Variants in MPIG6B observed in about 807,000 individuals in gnomAD.
MPIG6B encodes megakaryocyte and platelet inhibitory receptor G6b.
Under a neutral mutation model 24.2 loss-of-function variants are expected in MPIG6B, and 22 were observed. That is an observed-to-expected ratio of 0.91 (90% confidence interval 0.65 to 1.30). The LOEUF (loss-of-function observed/expected upper bound fraction) is 1.30, where lower values mean the gene tolerates loss of function less well. MPIG6B is among the 50% of genes most tolerant of loss of function. The pLI, the probability that MPIG6B is intolerant of heterozygous loss-of-function variation, is 0.00. For synonymous variants in MPIG6B, 136 were observed against 142.0 expected, an observed-to-expected ratio of 0.96 and a Z score of 0.30; for missense variants, 301 against 318.5, an observed-to-expected ratio of 0.94 and a Z score of 0.42.
upstream of MPIG6B, chr6:31,723,319 G>A: frequency 9.5e-7 from 1 of 1,048,026 alleles, no homozygotes; most frequent in Non-Finnish European, 1.3e-6. This position sits in a 1 kb window ranked among gnomAD's most constrained non-coding sequence, Gnocchi z 4.3. Flanking sequence ...ACTTCCCTCC[G>A]GTCCCCCCCC....
At chr6:31,723,328 C>A (rs112943189), upstream of MPIG6B, 22,326 of 1,515,232 alleles carry the variant, frequency 0.015, 590 homozygotes, top group South Asian at 0.087. The surrounding 1 kb of genome is among the most constrained non-coding windows in gnomAD (Gnocchi z 4.3). Context: ...CGGTCCCCCC[C>A]CAACCGGCCC....
Position 31,723,998 on chromosome 6 carries a change from C to G in MPIG6B, c.409+12C>G. On this transcript the variant is annotated intron_variant, in intron 2 of 5. Transcript: ENST00000649779. This position sits in a 1 kb window ranked among gnomAD's most constrained non-coding sequence, Gnocchi z 4.3. ...CGGGCCTACCCATGGTAGGTGCAGG[C>G]CTGTGCGCACAAGGGTACTTAACTC... is the stretch of plus-strand genomic sequence containing the variant. The G allele has an allele frequency of 6.4e-7, 1 of 1,560,702 alleles. No individual in the cohort carries two copies. Among genetic ancestry groups the G allele is most frequent in the Non-Finnish European group, 8.7e-7 (1 of 1,150,128 alleles).
At chr6:31,720,299 A>C (rs1806714268), upstream of MPIG6B, 1 of 805,560 alleles carries the variant, frequency 1.2e-6, no homozygotes, top group Admixed American at 2.1e-5. The surrounding 1 kb of genome is among the most constrained non-coding windows in gnomAD (Gnocchi z 4.9). Context: ...AGAAGAGCCC[A>C]TCCCGTAGGT....
upstream of MPIG6B, chr6:31,721,952 G>A (rs535474301): frequency 1.4e-4 from 65 of 460,302 alleles, no homozygotes; most frequent in Non-Finnish European, 2.4e-4. Flanking sequence ...TGCCATTGTG[G>A]TTCTTGGTTT....
intron 5 of MPIG6B, 41 bp downstream of exon 5, chr6:31,724,885 G>C: frequency 8.7e-6 from 14 of 1,606,010 alleles, no homozygotes; most frequent in Non-Finnish European, 1.2e-5. Context: ...CAGAATCTCT[G>C]AGGAAAATGG....
upstream of MPIG6B, chr6:31,723,200 T>G (rs960498303): frequency 2.1e-4 from 138 of 642,342 alleles, 1 homozygote; most frequent in Non-Finnish European, 3.3e-4. The surrounding 1 kb of genome is among the most constrained non-coding windows in gnomAD (Gnocchi z 4.3). Flanking sequence ...GAGAACCATT[T>G]GAAGACTCCG....
Position 31,725,926 on chromosome 6 carries a change from C to T in MPIG6B, c.*852C>T, listed in dbSNP as rs1702172745. On this transcript the variant is annotated 3_prime_UTR_variant, in exon 6 of 6. Coordinates refer to ENST00000649779, the MANE Select transcript of MPIG6B (RefSeq NM_138272.3). The surrounding 1 kb of genome is among the most constrained non-coding windows in gnomAD (Gnocchi z 5.2). The stretch of plus-strand genomic sequence containing the variant: ...ACTCATTGTCATCTCTGAAGCTGCT[C>T]ACTTAATTCTCCTCTGTATTCTCTT... 1 of 152,332 alleles carries T rather than the reference C, an allele frequency of 6.6e-6. No homozygotes were observed. The highest frequency in any genetic ancestry group is 2.4e-5 in the African/African-American group (1 of 41,428). The allele number at this position is 152,332 out of a possible 1,614,324, so 9.4% of individuals were successfully genotyped here.
At chr6:31,721,724 T>G (rs1806803548), upstream of MPIG6B, 1 of 1,603,606 alleles carries the variant, frequency 6.2e-7, no homozygotes, top group Admixed American at 1.7e-5. Flanking sequence ...GCTGATAGAG[T>G]AGATTTTCAA....
chr6:31,723,128 G>T (rs972636403), upstream of MPIG6B: 27 of 565,716 alleles, frequency 4.8e-5, no homozygotes, highest in African/African-American at 3.2e-4. The surrounding 1 kb of genome is among the most constrained non-coding windows in gnomAD (Gnocchi z 4.3). Flanking sequence ...GATTACAGGC[G>T]CACCTGAAAA....
In MPIG6B at chr6:31,723,511, AGGGT is replaced by A; in HGVS notation, c.61+72_61+75del. 6.7e-7 allele frequency: 1 copy of A among 1,497,224 alleles called. No homozygotes were observed. The highest frequency in any genetic ancestry group is 9.3e-7 in the Non-Finnish European group (1 of 1,079,454). The allele number at this position is 1,497,224 out of a possible 1,614,324, so 92.7% of individuals were successfully genotyped here. A position where few individuals can be genotyped will look rare whatever the true frequency, so the allele number is the denominator to read the frequency against. ...TGAAGCAAGATAAGGGCCGCCTAGT[AGGGT>A]GGGTTGTGTGTGGGAAGATCCAGGA... is the stretch of plus-strand genomic sequence containing the variant. On this transcript the variant is annotated intron_variant, in intron 1 of 5. Coordinates refer to ENST00000649779, the MANE Select transcript of MPIG6B (RefSeq NM_138272.3). The surrounding 1 kb of genome is among the most constrained non-coding windows in gnomAD (Gnocchi z 4.3).
chr6:31,723,771 G>A lies in MPIG6B; in HGVS notation c.194G>A (p.Trp65Ter). Residue 65 changes from tryptophan (W) to a stop codon, truncating the protein, a stop_gained, in exon 2 of 6, where the codon TGG becomes TAG. Coordinates refer to ENST00000649779, the MANE Select transcript of MPIG6B (RefSeq NM_138272.3). LOFTEE classifies it high-confidence loss of function. The surrounding 1 kb of genome is among the most constrained non-coding windows in gnomAD (Gnocchi z 4.3). ...TCCAAAGGACGCCGACCGATCCTGT[G>A]GGCCTCTTCGAGCGGGACCCCCACC... is the stretch of plus-strand genomic sequence containing the variant. ...GLSKGRRPIL[W>*]ASSSGTPTVP... is the part of the protein sequence containing the mutation. 8.1e-6 allele frequency: 13 copies of A among 1,613,912 alleles called. No individual in the cohort carries two copies. Among genetic ancestry groups the A allele is most frequent in the Non-Finnish European group, 1.1e-5 (13 of 1,180,018 alleles).
At chr6:31,724,562 T>C in intron 3 of MPIG6B, 25 bp from the exon 4 acceptor site, 1 of 1,607,074 alleles carries the variant, frequency 6.2e-7, no homozygotes, top group Non-Finnish European at 8.5e-7. Context: ...CTGGTGGTTC[T>C]CAAAGACTCA....
At chr6:31,720,518 G>A (rs1008040705), upstream of MPIG6B, among the ~76,000 whole-genome samples, 4 of 152,198 alleles carry the variant, frequency 2.6e-5, no homozygotes, top group African/African-American at 9.7e-5. The surrounding 1 kb of genome is among the most constrained non-coding windows in gnomAD (Gnocchi z 4.9). Context: ...TAGATGGAAT[G>A]TGAGGAAGAT....
In MPIG6B at chr6:31,724,575, T is replaced by C; in HGVS notation, c.501-12T>C. 6.2e-7 allele frequency: 1 copy of C among 1,611,554 alleles called. No individual in the cohort carries two copies. Among genetic ancestry groups the C allele is most frequent in the Non-Finnish European group, 8.5e-7 (1 of 1,177,596 alleles). On this transcript the variant is annotated splice_polypyrimidine_tract_variant and intron_variant, in intron 3 of 5. Transcript: ENST00000649779. ...GACTGGTGGTTCTCAAAGACTCATA[T>C]GTCCCTTACAGGCGCCTGCCCCCGC...
In MPIG6B at chr6:31,724,180, G is replaced by C. The variant is rs985453732; in HGVS notation, c.448G>C (p.Ala150Pro). The C allele has an allele frequency of 1.2e-6, 2 of 1,613,278 alleles. No homozygotes were observed. Among genetic ancestry groups the C allele is most frequent in the Non-Finnish European group, 8.5e-7 (1 of 1,179,956 alleles). The change falls in exon 3 of 6, where the codon GCT (alanine) becomes CCT (proline). Residue 150 changes from alanine to proline, a missense_variant. By Grantham distance (27) the Ala-to-Pro change is conservative (BLOSUM62 -1). Coordinates refer to ENST00000649779, the MANE Select transcript of MPIG6B (RefSeq NM_138272.3). ...YPQLLIPLLGAGLVLGLGALG... is the reference protein window; with the variant it reads ...YPQLLIPLLGPGLVLGLGALG... Reference sequence around the variant, plus strand: ...CCAGCTCCTGATCCCGCTGCTGGGCGCTGGGTTGGTGCTCGGACTGGGAGC... The same window carrying C: ...CCAGCTCCTGATCCCGCTGCTGGGCCCTGGGTTGGTGCTCGGACTGGGAGC...
chr6:31,726,614 A>G lies in MPIG6B; in HGVS notation c.*1540A>G, dbSNP rs1740553862. ...TTGTTCCATGACAACCTGTATTTCA[A>G]TTTGTAAGAAATTTGCATGTACTGT... On this transcript the variant is annotated 3_prime_UTR_variant, in exon 6 of 6. Transcript: ENST00000649779. The surrounding 1 kb of genome is among the most constrained non-coding windows in gnomAD (Gnocchi z 5.1). 6.6e-6 allele frequency: 1 copy of G among 152,222 alleles called. No homozygotes were observed. Among genetic ancestry groups the G allele is most frequent in the African/African-American group, 2.4e-5 (1 of 41,422 alleles). 9.4% of individuals were successfully genotyped at this position (152,222 alleles called of 1,614,324 possible). A position where few individuals can be genotyped will look rare whatever the true frequency, so the allele number is the denominator to read the frequency against.
upstream of MPIG6B, chr6:31,721,859 G>A: frequency 1.5e-6 from 1 of 645,474 alleles, no homozygotes; most frequent in Non-Finnish European, 2.7e-6. Context: ...AAAGACAAGG[G>A]GTGGGAAGGC....
At chr6:31,721,681 G>C, upstream of MPIG6B, 1 of 1,613,984 alleles carries the variant, frequency 6.2e-7, no homozygotes, top group African/African-American at 1.3e-5. Flanking sequence ...GGCTTTCATG[G>C]CGAGGGTCCT....
At position 31,725,315 on chromosome 6, in the gene MPIG6B, A is replaced by G. The variant is rs1807269907; in HGVS notation, c.*241A>G. 2.1e-6 allele frequency: 1 copy of G among 485,042 alleles called. No individual in the cohort carries two copies. The allele number at this position is 485,042 out of a possible 1,614,324, so 30.0% of individuals were successfully genotyped here. A position where few individuals can be genotyped will look rare whatever the true frequency, so the allele number is the denominator to read the frequency against. ...ACCACCAGTGTCCTCTCTATACCCA[A>G]TCAAGCCCTAGCTCCTTTTTTTTTT... On this transcript the variant is annotated 3_prime_UTR_variant, in exon 6 of 6. Coordinates refer to ENST00000649779, the MANE Select transcript of MPIG6B (RefSeq NM_138272.3). The surrounding 1 kb of genome is among the most constrained non-coding windows in gnomAD (Gnocchi z 5.2).
Sources: gnomAD v4.1 joint callset for allele counts (sites outside exome capture counted in the v4.1 genomes callset) on GRCh38, gnomAD v4.1.1 for gene constraint, Gnocchi (gnomAD v3.1) non-coding constraint, MANE v1.5 for transcripts, NCBI Gene and HGNC (gene_info 2026-07-23, HGNC 2026-07-21) for gene names.